The following RBBP8 variants were observed in gnomAD, a reference collection of about 807,000 sequenced individuals.
RBBP8 encodes RB binding protein 8, endonuclease, also known as DNA endonuclease RBBP8.
Under a neutral mutation model 108.3 loss-of-function variants are expected in RBBP8, and 88 were observed. That is an observed-to-expected ratio of 0.81 (90% CI 0.68 to 0.97). The LOEUF (loss-of-function observed/expected upper bound fraction) is 0.97. Among genes scored for constraint, RBBP8 ranks in the 50% least tolerant of loss-of-function variants. The pLI, the probability that RBBP8 is intolerant of heterozygous loss-of-function variation, is 0.00. For missense variants in RBBP8, 1,023 were observed against 1,049.0 expected (o/e 0.98, Z 0.34); for synonymous variants, 332 against 348.2 (o/e 0.95, Z 0.52).
chr18:22,997,745 T>C lies in RBBP8; in HGVS notation c.2143+11T>C. 1 of 1,528,234 alleles carries C rather than the reference T, an allele frequency of 6.5e-7. No individual in the cohort carries two copies. Among genetic ancestry groups the C allele is most frequent in the Non-Finnish European group, 9.0e-7 (1 of 1,111,808 alleles). 94.7% of individuals were successfully genotyped at this position (1,528,234 alleles called of 1,614,324 possible). A position where few individuals can be genotyped will look rare whatever the true frequency, so the allele number is the denominator to read the frequency against. On this transcript the variant is annotated intron_variant, in intron 14 of 18. Coordinates refer to ENST00000327155, the MANE Select transcript of RBBP8 (RefSeq NM_002894.3). ...GAGAAAAAAGTTCAAGTAAGATCTG[T>C]TTTTGTTTTGTTATTTTTTTTAATA... is the stretch of plus-strand genomic sequence containing the variant.
chr18:23,000,746 A>G (rs1341767263), intron 14 of RBBP8, among the ~76,000 whole-genome samples: 1 of 152,084 alleles, frequency 6.6e-6, no homozygotes, highest in East Asian at 1.9e-4. Flanking sequence ...GTCTCAAAAA[A>G]AAAAAAAAAG....
At chr18:23,026,089 GA>G in intron 18 of RBBP8, 53 bp from the exon 19 acceptor site, 1 of 1,378,050 alleles carries the variant, frequency 7.3e-7, no homozygotes, top group South Asian at 1.2e-5. Context: ...GATATAAGCT[GA>G]AAGAAATGCA....
At chr18:22,967,006 G>A (rs1004299128) in intron 4 of RBBP8, among the ~76,000 whole-genome samples, 6 of 152,030 alleles carry the variant, frequency 3.9e-5, no homozygotes, top group South Asian at 4.2e-4. Flanking sequence ...GATTACAGGC[G>A]TAAGCCACCA....
At chr18:23,010,917 G>T (rs1003187334) in intron 16 of RBBP8, among the ~76,000 whole-genome samples, 8 of 152,196 alleles carry the variant, frequency 5.3e-5, no homozygotes, top group Admixed American at 2.0e-4. Context: ...GTCACGATAA[G>T]ACACTATAGA....
chr18:23,011,750 T>A (rs1420234186), intron 16 of RBBP8, among the ~76,000 whole-genome samples: 1 of 152,066 alleles, frequency 6.6e-6, no homozygotes, highest in Non-Finnish European at 1.5e-5. Flanking sequence ...GATGCTGTTA[T>A]TATAAGTGTT....
At chr18:22,989,141 T>A in intron 8 of RBBP8, 80 bp from the exon 9 acceptor site, 1 of 996,628 alleles carries the variant, frequency 1.0e-6, no homozygotes, top group Non-Finnish European at 1.5e-6. Flanking sequence ...TCATCTTTTG[T>A]CATTTTAATG....
At chr18:22,937,861 C>T (rs1028923560) in intron 2 of RBBP8, among the ~76,000 whole-genome samples, 1 of 150,078 alleles carries the variant, frequency 6.7e-6, no homozygotes, top group Non-Finnish European at 1.5e-5. Context: ...GTTCTCACTC[C>T]GTTGCCCAGG....
At chr18:22,923,217 C>A (rs970034346) in intron 3 of RBBP8, among the ~76,000 whole-genome samples, 1 of 152,180 alleles carries the variant, frequency 6.6e-6, no homozygotes, top group Non-Finnish European at 1.5e-5. Flanking sequence ...TTATTACCTT[C>A]ATTTCATTGA....
chr18:22,996,577 C>G, intron 13 of RBBP8, 115 bp downstream of exon 13: 1 of 1,485,616 alleles, frequency 6.7e-7, no homozygotes, highest in South Asian at 1.3e-5. Context: ...GTCTTAAAAC[C>G]TACATGTATT....
chr18:22,954,342 C>T (rs1016900306), intron 4 of RBBP8, among the ~76,000 whole-genome samples: 2 of 152,336 alleles, frequency 1.3e-5, no homozygotes, highest in Middle Eastern at 3.4e-3. Context: ...TGGGTAAATA[C>T]ACCCATTCCA....
At chr18:22,966,234 T>G (rs931239452) in intron 4 of RBBP8, among the ~76,000 whole-genome samples, 1 of 152,224 alleles carries the variant, frequency 6.6e-6, no homozygotes, top group African/African-American at 2.4e-5. Context: ...TTTACCATCT[T>G]TAGTTAAGTG....
At chr18:22,965,540 G>A (rs922251983) in intron 4 of RBBP8, among the ~76,000 whole-genome samples, 25 of 152,108 alleles carry the variant, frequency 1.6e-4, no homozygotes, top group African/African-American at 4.1e-4. Context: ...GCCTAGGCTG[G>A]AATCTGAGAA....
At chr18:22,940,993 GT>G (rs1001885804) in intron 2 of RBBP8, among the ~76,000 whole-genome samples, 2 of 151,918 alleles carry the variant, frequency 1.3e-5, no homozygotes, top group South Asian at 4.1e-4. Flanking sequence ...CATTGTACAA[GT>G]TTTTTGTCTC....
intron 16 of RBBP8, among the ~76,000 whole-genome samples, chr18:23,009,762 T>C (rs1190809420): frequency 6.6e-6 from 1 of 152,156 alleles, no homozygotes; most frequent in South Asian, 2.1e-4. Context: ...TATATATACT[T>C]TGCTCTACTT....
chr18:23,006,494 TTC>T (rs1056058771), intron 16 of RBBP8, 62 bp downstream of exon 16: 96 of 1,347,824 alleles, frequency 7.1e-5, no homozygotes, highest in East Asian at 1.8e-4. Flanking sequence ...TGTCTTTTAT[TTC>T]TCTCTCTTTT....
intron 14 of RBBP8, among the ~76,000 whole-genome samples, chr18:22,999,128 A>C (rs992712141): frequency 1.3e-5 from 2 of 152,210 alleles, no homozygotes; most frequent in Non-Finnish European, 2.9e-5. Context: ...ACTTGGACTA[A>C]TGAGGGGAAA....
At chr18:22,966,607 A>C (rs888101139) in intron 4 of RBBP8, among the ~76,000 whole-genome samples, 1 of 136,216 alleles carries the variant, frequency 7.3e-6, no homozygotes, top group East Asian at 2.3e-4. Context: ...ATGTTCTTTT[A>C]TTTTGCTTTG....
At chr18:22,997,344 G>A (rs892652562) in intron 13 of RBBP8, among the ~76,000 whole-genome samples, 8 of 152,174 alleles carry the variant, frequency 5.3e-5, no homozygotes, top group Non-Finnish European at 8.8e-5. Context: ...ATAAAGGCAG[G>A]AAAAGTTCAG....
chr18:22,979,348 T>G (rs1914729872), intron 6 of RBBP8, among the ~76,000 whole-genome samples: 1 of 152,098 alleles, frequency 6.6e-6, no homozygotes, highest in Non-Finnish European at 1.5e-5. Flanking sequence ...TTAAAAAATT[T>G]TAAATAATTA....
Sources: allele counts gnomAD v4.1 joint callset (sites outside exome capture counted in the v4.1 genomes callset), GRCh38; gene constraint gnomAD v4.1.1; transcripts MANE v1.5; gene names NCBI Gene and HGNC (gene_info 2026-07-23, HGNC 2026-07-21).